HEATR5B: variants seen among roughly 807,000 people sequenced by gnomAD.
The protein encoded by HEATR5B is HEAT repeat containing 5B.
HEATR5B carries 156 observed loss-of-function variants against 224.1 expected under a neutral mutation model. The ratio of observed to expected loss-of-function variants is 0.70; its 90% CI spans 0.61 to 0.80. The LOEUF (loss-of-function observed/expected upper bound fraction) is 0.80, where lower values mean the gene tolerates loss of function less well. HEATR5B is among the 30% of genes least tolerant of loss of function. HEATR5B has a pLI of 0.00. For synonymous variants in HEATR5B, 1,027 were observed against 893.0 expected (o/e 1.15, Z -2.68); for missense variants, 2,323 against 2,535.5 (o/e 0.92, Z 1.80).
At chr2:36,997,712 G>A (rs1215025887) in intron 33 of HEATR5B, among the ~76,000 whole-genome samples, 11 of 151,964 alleles carry the variant, frequency 7.2e-5, no homozygotes, top group Non-Finnish European at 1.3e-4. Context: ...GACTACAGGC[G>A]CCCGCCACCA....
intron 26 of HEATR5B, among the ~76,000 whole-genome samples, chr2:37,014,991 A>C (rs1668027333): frequency 6.6e-6 from 1 of 152,156 alleles, no homozygotes; most frequent in South Asian, 2.1e-4. Flanking sequence ...AGAAAGAAAA[A>C]AAAAGGAATA....
chr2:37,064,949 T>C lies in HEATR5B; in HGVS notation c.1375A>G (p.Met459Val). The C allele has an allele frequency of 1.2e-6, 2 of 1,614,086 alleles. No homozygotes were observed. The highest frequency in any genetic ancestry group is 1.7e-6 in the Non-Finnish European group (2 of 1,179,988). The change falls in exon 10 of 36, where the codon ATG becomes GTG. Residue 459 changes from methionine to valine, a missense_variant. By Grantham distance (21) the Met-to-Val change is conservative (BLOSUM62 1). This residue lies in a region of HEATR5B where 502 missense variants were observed against 517.8 expected (regional missense o/e 0.97). Transcript: ENST00000233099. ...CATGCAGCAGCAAGTCGGGCAGCCA[T>C]GCTTGGATGAAGCAGCACTGAAGTC... is the stretch of plus-strand genomic sequence containing the variant. Reference protein sequence around the residue: ...IVTSVLLHPSMAARLAAAWCL... With the variant: ...IVTSVLLHPSVAARLAAAWCL...
At chr2:37,029,563 C>CTGAG (rs1331881183) in intron 22 of HEATR5B, among the ~76,000 whole-genome samples, 2 of 152,148 alleles carry the variant, frequency 1.3e-5, no homozygotes, top group African/African-American at 4.8e-5. Context: ...ACTCAGAAGG[C>CTGAG]TGAGGCAGGA....
rs1667023738 is a variant in HEATR5B, at chr2:37,000,580, G to A, written c.5545+6C>T. 1 of 1,611,312 alleles carries A rather than the reference G, an allele frequency of 6.2e-7. No individual in the cohort carries two copies. ...CTAACTAAAACGTTTAAAACTGATA[G>A]GTTACCTGGTTGAGAATATTCCAGG... On this transcript the variant is annotated splice_donor_region_variant and intron_variant, in intron 33 of 35. Transcript: ENST00000233099.
chr2:37,060,324 T>C (rs977045928), intron 12 of HEATR5B, among the ~76,000 whole-genome samples: 2 of 152,096 alleles, frequency 1.3e-5, no homozygotes, highest in East Asian at 1.9e-4. Flanking sequence ...TAGCAACAAG[T>C]GGGAATAAGA....
rs780588961 is a variant in HEATR5B, at chr2:37,071,696, ATT to A, written c.769+412_769+413del. ...TTTGGGTTCTTTTTTTTTTTTTTTA[ATT>A]TTTTGAGATGGAGTCTTGCTCTGTC... On this transcript the variant is annotated intron_variant, in intron 6 of 35. Transcript: ENST00000233099. Among the ~76,000 whole-genome samples, 447 of 145,184 alleles carry A rather than the reference ATT, an allele frequency of 3.1e-3. 2 individuals are homozygous for A. The highest frequency in any genetic ancestry group is 9.8e-3 in the African/African-American group (385 of 39,290).
rs752947011 is a variant in HEATR5B at position 36,990,802 on chromosome 2, G to A, written c.5546-3C>T. Reference sequence around the variant, plus strand: ...ATCAGGTGTAGGTACAGAGTCTTCTGAAAATGAAAAATGAAAGAAGTGTGC... The same window carrying A: ...ATCAGGTGTAGGTACAGAGTCTTCTAAAAATGAAAAATGAAAGAAGTGTGC... On this transcript the variant is annotated splice_region_variant and splice_polypyrimidine_tract_variant and intron_variant, in intron 33 of 35. Coordinates refer to ENST00000233099, the MANE Select transcript of HEATR5B (RefSeq NM_019024.3). 4 of 1,537,832 alleles carry A rather than the reference G, an allele frequency of 2.6e-6. No homozygotes were observed. Among genetic ancestry groups the A allele is most frequent in the South Asian group, 1.2e-5 (1 of 81,938 alleles).
At chr2:37,074,434 G>C (rs1320822983) in intron 5 of HEATR5B, among the ~76,000 whole-genome samples, 3 of 150,872 alleles carry the variant, frequency 2.0e-5, no homozygotes, top group African/African-American at 7.3e-5. Context: ...ACTCAAAATG[G>C]ATCACATATC....
chr2:37,013,068 T>TA (rs1490414143), intron 27 of HEATR5B, among the ~76,000 whole-genome samples: 2 of 152,188 alleles, frequency 1.3e-5, no homozygotes, highest in African/African-American at 4.8e-5. Context: ...GTTGAATGAA[T>TA]CAGAGGGTGG....
intron 33 of HEATR5B, among the ~76,000 whole-genome samples, chr2:36,998,317 A>G (rs1342052562): frequency 6.6e-6 from 1 of 152,258 alleles, no homozygotes; most frequent in African/African-American, 2.4e-5. Context: ...AATGCTTACT[A>G]AGAAAATGAG....
At chr2:37,073,874 G>A (rs757897697) in intron 5 of HEATR5B, among the ~76,000 whole-genome samples, 1 of 152,190 alleles carries the variant, frequency 6.6e-6, no homozygotes, top group Non-Finnish European at 1.5e-5. Flanking sequence ...CAAAGGAACT[G>A]TAATGAAGAA....
chr2:37,050,378 A>T (rs1163262708), intron 17 of HEATR5B, among the ~76,000 whole-genome samples: 1 of 152,198 alleles, frequency 6.6e-6, no homozygotes, highest in Non-Finnish European at 1.5e-5. Context: ...CCATAGTCTG[A>T]CTGGCCCTAA....
chr2:37,049,575 A>G, intron 18 of HEATR5B, 78 bp downstream of exon 18: 1 of 1,285,974 alleles, frequency 7.8e-7, no homozygotes, highest in Non-Finnish European at 1.1e-6. Flanking sequence ...CATGTGGAAA[A>G]CATAAACTCC....
At chr2:37,037,659 C>T (rs1159047297) in intron 21 of HEATR5B, among the ~76,000 whole-genome samples, 196 bp downstream of exon 21, 1 of 151,980 alleles carries the variant, frequency 6.6e-6, no homozygotes, top group Non-Finnish European at 1.5e-5. Flanking sequence ...TTATTTATAA[C>T]ACAAATAAAT....
At chr2:37,053,309 C>T (rs1273007291) in intron 17 of HEATR5B, among the ~76,000 whole-genome samples, 193 bp downstream of exon 17, 2 of 152,156 alleles carry the variant, frequency 1.3e-5, no homozygotes, top group Non-Finnish European at 2.9e-5. Context: ...ACTTTAACAA[C>T]ATTAAAATAT....
At chr2:37,072,043 C>A in intron 6 of HEATR5B, 67 bp downstream of exon 6, 2 of 1,269,796 alleles carry the variant, frequency 1.6e-6, no homozygotes, top group Non-Finnish European at 2.2e-6. Flanking sequence ...ATCCATTACA[C>A]TGACTTGCCT....
At position 37,008,413 on chromosome 2, in the gene HEATR5B, A is replaced by C. The variant is rs1359628198; in HGVS notation, c.4522+198T>G. 6 of 593,758 alleles carry C rather than the reference A, an allele frequency of 1.0e-5. No homozygotes were observed. In the East Asian group the frequency reaches 1.4e-4, roughly 14 times the overall value. 36.8% of individuals were successfully genotyped at this position (593,758 alleles called of 1,614,324 possible). A position where few individuals can be genotyped will look rare whatever the true frequency, so the allele number is the denominator to read the frequency against. ...CAGTGCTTGCTAATATGTTTGCTTC[A>C]GCCAACAAAAAAGCTCTATATCTTC... On this transcript the variant is annotated intron_variant, in intron 28 of 35. Coordinates refer to ENST00000233099, the MANE Select transcript of HEATR5B (RefSeq NM_019024.3).
In HEATR5B at chr2:37,066,329, C is replaced by T. The variant is rs550745651; in HGVS notation, c.1178-419G>A. Among the ~76,000 whole-genome samples, 6 of 152,298 alleles carry T rather than the reference C, an allele frequency of 3.9e-5. No homozygotes were observed. The South Asian group carries it at 1.0e-3, about 26-fold the overall frequency. Reference sequence around the variant, plus strand: ...AATGGGCTTACATGCCTATTTCAAACGGTACTGTGGTGATTAAAAAGTCAG... The same window carrying T: ...AATGGGCTTACATGCCTATTTCAAATGGTACTGTGGTGATTAAAAAGTCAG... On this transcript the variant is annotated intron_variant, in intron 8 of 35. Coordinates refer to ENST00000233099, the MANE Select transcript of HEATR5B (RefSeq NM_019024.3).
At chr2:37,007,675 C>A (rs1361377133) in intron 28 of HEATR5B, among the ~76,000 whole-genome samples, 1 of 152,112 alleles carries the variant, frequency 6.6e-6, no homozygotes, top group Non-Finnish European at 1.5e-5. Context: ...TTATGAACCA[C>A]TAACAAAAAT....
Sources: allele counts gnomAD v4.1 joint callset (sites outside exome capture counted in the v4.1 genomes callset), GRCh38; gene constraint gnomAD v4.1.1; regional missense constraint gnomAD v4.1.1; transcripts MANE v1.5; gene names NCBI Gene and HGNC (gene_info 2026-07-23, HGNC 2026-07-21).